MAN1C1: variants seen among roughly 807,000 people sequenced by gnomAD.
MAN1C1 encodes the protein mannosidase alpha class 1C member 1.
Under a neutral mutation model 71.5 loss-of-function variants are expected in MAN1C1, and 49 were observed. The ratio of observed to expected loss-of-function variants is 0.69; its 90% confidence interval spans 0.54 to 0.87. The LOEUF (loss-of-function observed/expected upper bound fraction) is 0.87, where lower values mean the gene tolerates loss of function less well. Among genes scored for constraint, MAN1C1 ranks in the 40% least tolerant of loss-of-function variants. MAN1C1 has a pLI of 0.00. For synonymous variants in MAN1C1, 352 were observed against 343.7 expected (o/e 1.02, Z -0.27); for missense variants, 743 against 835.0 (o/e 0.89, Z 1.36).
intron 4 of MAN1C1, among the ~76,000 whole-genome samples, chr1:25,750,934 G>A (rs2047205717): frequency 6.6e-6 from 1 of 152,116 alleles, no homozygotes; most frequent in African/African-American, 2.4e-5. Flanking sequence ...GGAAAGAGTT[G>A]GTGGCTGTTG....
At chr1:25,727,506 C>G (rs1267223) in intron 2 of MAN1C1, among the ~76,000 whole-genome samples, 16,590 of 152,236 alleles carry the variant, frequency 0.11, 1,421 homozygotes, top group African/African-American at 0.23. Flanking sequence ...AATGGCCTTG[C>G]CCCCGACTCC....
At chr1:25,647,765 T>C (rs974479639) in intron 1 of MAN1C1, among the ~76,000 whole-genome samples, 3 of 151,810 alleles carry the variant, frequency 2.0e-5, no homozygotes, top group African/African-American at 7.3e-5. Context: ...GATGGGGGAA[T>C]AGAAATTGGG....
At chr1:25,744,275 C>T (rs996900611) in intron 2 of MAN1C1, among the ~76,000 whole-genome samples, 2 of 152,210 alleles carry the variant, frequency 1.3e-5, no homozygotes, top group Non-Finnish European at 2.9e-5. Flanking sequence ...GGGCCAGGAA[C>T]TCTGTTCAGC....
At chr1:25,648,388 T>C (rs982382196) in intron 1 of MAN1C1, among the ~76,000 whole-genome samples, 3 of 152,232 alleles carry the variant, frequency 2.0e-5, no homozygotes, top group Admixed American at 2.0e-4. Context: ...TGCTAATCTT[T>C]TCCCACCCTC....
At chr1:25,624,884 T>C (rs1341167102) in intron 1 of MAN1C1, among the ~76,000 whole-genome samples, 1 of 152,116 alleles carries the variant, frequency 6.6e-6, no homozygotes, top group East Asian at 1.9e-4. Flanking sequence ...TCACTAAGAC[T>C]GTTTGCTTCC....
chr1:25,767,567 C>CATACATT (rs2047453378), intron 7 of MAN1C1, among the ~76,000 whole-genome samples: 1 of 139,220 alleles, frequency 7.2e-6, no homozygotes. Context: ...TCCCCTCACA[C>CATACATT]ACACCCACAC....
chr1:25,684,362 C>T (rs2124171923), intron 1 of MAN1C1, among the ~76,000 whole-genome samples: 1 of 152,350 alleles, frequency 6.6e-6, no homozygotes, highest in Non-Finnish European at 1.5e-5. Context: ...ACTCAAAGCC[C>T]ATGCCAAGCC....
At chr1:25,625,428 C>T (rs74705022) in intron 1 of MAN1C1, among the ~76,000 whole-genome samples, 7,633 of 152,204 alleles carry the variant, frequency 0.05, 635 homozygotes, top group African/African-American at 0.17. Context: ...CCTTGCCAGA[C>T]GATTCCCCCA....
intron 1 of MAN1C1, among the ~76,000 whole-genome samples, chr1:25,666,368 T>C (rs1250911654): frequency 6.6e-6 from 1 of 152,206 alleles, no homozygotes; most frequent in Non-Finnish European, 1.5e-5. Context: ...CTAATGAGCC[T>C]CATCTTTTTA....
chr1:25,720,332 C>T (rs1291679677), intron 2 of MAN1C1, among the ~76,000 whole-genome samples: 1 of 152,024 alleles, frequency 6.6e-6, no homozygotes, highest in African/African-American at 2.4e-5. Flanking sequence ...CTGCCTCAGC[C>T]TCCAAGTAGC....
rs778738465 is a variant in MAN1C1 at position 25,618,360 on chromosome 1, C to T, written c.540+23C>T. ...GAGGTATGGACTCAGCCCCCAAACT[C>T]CTCCCACCAACTGCCCCCTCTAAGG... On this transcript the variant is annotated intron_variant, in intron 1 of 11. Coordinates refer to ENST00000374332, the MANE Select transcript of MAN1C1 (RefSeq NM_020379.4). The T allele has an allele frequency of 5.7e-6, 9 of 1,579,692 alleles. No homozygotes were observed. The South Asian group carries it at 1.0e-4, about 18-fold the overall frequency.
intron 2 of MAN1C1, among the ~76,000 whole-genome samples, chr1:25,700,022 A>AAG (rs1195235955): frequency 2.6e-5 from 4 of 152,216 alleles, no homozygotes; most frequent in African/African-American, 9.7e-5. Context: ...GAGGAAGACA[A>AAG]AGAGCCCCGG....
intron 7 of MAN1C1, among the ~76,000 whole-genome samples, chr1:25,767,424 GACAC>G (rs904808005): frequency 1.5e-4 from 2 of 13,064 alleles, no homozygotes; most frequent in African/African-American, 3.7e-4. Flanking sequence ...CACCCTCCCA[GACAC>G]ACACACATTA....
At chr1:25,717,281 T>C (rs1440842928) in intron 2 of MAN1C1, among the ~76,000 whole-genome samples, 3 of 152,078 alleles carry the variant, frequency 2.0e-5, no homozygotes, top group African/African-American at 7.2e-5. Flanking sequence ...GAGGCTGAGG[T>C]GGGTGGATCA....
chr1:25,758,544 C>G (rs1018423520), intron 5 of MAN1C1, 48 bp from the exon 6 acceptor site: 5 of 1,483,100 alleles, frequency 3.4e-6, no homozygotes, highest in Non-Finnish European at 4.5e-6. Context: ...AGCAGAGGAG[C>G]CAGCCTGGCC....
At position 25,769,362 on chromosome 1, in the gene MAN1C1, C is replaced by T. The variant is rs2047514744; in HGVS notation, c.1142-2295C>T. Among the ~76,000 whole-genome samples, 1 of 150,296 alleles carries T rather than the reference C, an allele frequency of 6.7e-6. No homozygotes were observed. The highest frequency in any genetic ancestry group is 1.5e-5 in the Non-Finnish European group (1 of 67,848). On this transcript the variant is annotated intron_variant, in intron 7 of 11. Transcript: ENST00000374332. This position sits in a 1 kb window ranked among gnomAD's most constrained non-coding sequence, Gnocchi z 4.8. ...CACACACATTCATTCACCACACATA[C>T]ACACTCACCCCACACCCCATACATA...
chr1:25,760,581 G>C (rs557127779), intron 6 of MAN1C1: 20 of 152,324 alleles, frequency 1.3e-4, no homozygotes, highest in Admixed American at 7.8e-4. Context: ...CAGGACAGTC[G>C]AGAGTAACGC....
chr1:25,721,132 A>C (rs925849527), intron 2 of MAN1C1, among the ~76,000 whole-genome samples: 1 of 152,092 alleles, frequency 6.6e-6, no homozygotes, highest in East Asian at 1.9e-4. Context: ...TGTTTGGCCT[A>C]TTCTGGGTCC....
intron 2 of MAN1C1, among the ~76,000 whole-genome samples, chr1:25,721,356 TTATA>T (rs1215743963): frequency 6.6e-6 from 1 of 152,188 alleles, no homozygotes; most frequent in African/African-American, 2.4e-5. Flanking sequence ...TACACTGAAT[TTATA>T]GATCAATTTG....
Sources: gnomAD v4.1 joint callset for allele counts (sites outside exome capture counted in the v4.1 genomes callset) on GRCh38, gnomAD v4.1.1 for gene constraint, Gnocchi (gnomAD v3.1) non-coding constraint, MANE v1.5 for transcripts, NCBI Gene and HGNC (gene_info 2026-07-23, HGNC 2026-07-21) for gene names.